Variants in CLIP4 observed in about 807,000 individuals in gnomAD.
CLIP4 encodes the protein CAP-Gly domain-containing linker protein 4.
A neutral mutation model predicts 73.1 loss-of-function variants in CLIP4; 47 were observed. The ratio of observed to expected loss-of-function variants is 0.64; its 90% confidence interval spans 0.51 to 0.82. The LOEUF is 0.82. Ranked by LOEUF, CLIP4 falls within the 40% of genes least tolerant of loss-of-function variation. The probability of loss-of-function intolerance (pLI) is 0.00; values close to 1 mark genes in which losing one functional copy is unlikely to be tolerated. For missense variants in CLIP4, 874 were observed against 852.9 expected, an observed-to-expected ratio of 1.02 and a Z score of -0.31; for synonymous variants, 306 against 295.4, an observed-to-expected ratio of 1.04 and a Z score of -0.37.
In CLIP4 at chr2:29,181,574, C is replaced by T. The variant is rs139683869; in HGVS notation, c.1799C>T (p.Ser600Leu). The change falls in exon 16 of 16, where the codon TCG becomes TTG. Residue 600 changes from serine to leucine, a missense_variant and splice_region_variant. By Grantham distance (145) the Ser-to-Leu change is moderately radical (BLOSUM62 -2). Transcript: ENST00000320081. The stretch of plus-strand genomic sequence containing the variant: ...TCCCACTTTTCCCTTCCGCACAGAT[C>T]GAAAGCTGCTTTGCGTCGCAGTTGG... Reference protein sequence around the residue: ...EINRRNAFSKSKAALRRSWSS... With the variant: ...EINRRNAFSKLKAALRRSWSS... 8 of 1,602,488 alleles carry T rather than the reference C, an allele frequency of 5.0e-6. No homozygotes were observed. Among genetic ancestry groups the T allele is most frequent in the South Asian group, 2.2e-5 (2 of 89,778 alleles).
At position 29,124,528 on chromosome 2, in the gene CLIP4, A is replaced by T. The variant is rs538675113; in HGVS notation, c.133+3007A>T. 7.9e-5 allele frequency among the ~76,000 whole-genome samples: 12 copies of T among 152,196 alleles called. No homozygotes were observed. The South Asian group carries it at 1.7e-3, about 21-fold the overall frequency. On this transcript the variant is annotated intron_variant, in intron 2 of 15. Transcript: ENST00000320081. ...TAAGTTTGGGAAATCATTTAAAAAA[A>T]TTTTTTGTCTGCTTCTCCCCGTTTT...
chr2:29,161,892 A>G (rs1237119892), intron 12 of CLIP4, among the ~76,000 whole-genome samples: 1 of 152,202 alleles, frequency 6.6e-6, no homozygotes, highest in Non-Finnish European at 1.5e-5. Context: ...ATGCGGAAAC[A>G]TGACAGGACC....
intron 14 of CLIP4, among the ~76,000 whole-genome samples, chr2:29,172,852 A>G (rs1668099761): frequency 6.6e-6 from 1 of 152,134 alleles, no homozygotes. Flanking sequence ...ATCCGGCCAT[A>G]AAGTTGTAAA....
chr2:29,140,297 TC>T (rs1665670892), intron 6 of CLIP4, among the ~76,000 whole-genome samples: 2 of 152,270 alleles, frequency 1.3e-5, no homozygotes, highest in South Asian at 4.2e-4. Flanking sequence ...TTCTCATTGT[TC>T]AATTCCCACC....
chr2:29,151,510 G>C (rs1020088940), intron 8 of CLIP4, among the ~76,000 whole-genome samples: 12 of 140,838 alleles, frequency 8.5e-5, no homozygotes, highest in African/African-American at 3.0e-4. Context: ...AGACAGAAGA[G>C]AGAACATTGT....
At chr2:29,124,741 T>G (rs1007761084) in intron 2 of CLIP4, among the ~76,000 whole-genome samples, 8 of 152,240 alleles carry the variant, frequency 5.3e-5, no homozygotes, top group African/African-American at 1.9e-4. Context: ...AGTGCAGTTT[T>G]CATTTCAGAT....
intron 2 of CLIP4, chr2:29,131,003 T>C (rs557683222): frequency 4.9e-5 from 49 of 1,004,210 alleles, no homozygotes; most frequent in South Asian, 1.6e-5. Context: ...GCTGGTATTA[T>C]TTAGTCTGAG....
intron 10 of CLIP4, 27 bp from the exon 11 acceptor site, chr2:29,157,177 G>A (rs778569679): frequency 4.7e-5 from 75 of 1,605,628 alleles, no homozygotes; most frequent in Non-Finnish European, 6.1e-5. Flanking sequence ...ATTTTCCACC[G>A]TTTGACACGT....
chr2:29,131,586 C>G (rs1267462721), intron 3 of CLIP4, 189 bp downstream of exon 3: 3 of 509,976 alleles, frequency 5.9e-6, no homozygotes, highest in Non-Finnish European at 9.7e-6. Context: ...TTTCTTCATG[C>G]TCTGTACTTC....
rs1668041815 is a variant in CLIP4 at position 29,101,300 on chromosome 2, CAAAAAAAAAAA to C, written c.-16+3354_-16+3364del. Among the ~76,000 whole-genome samples the C allele has an allele frequency of 6.0e-3, 504 of 83,562 alleles. 5 individuals are homozygous for C. Among genetic ancestry groups the C allele is most frequent in the African/African-American group, 0.021 (465 of 22,564 alleles). The allele number at this position is 83,562 out of a possible 152,430, so 54.8% of individuals were successfully genotyped here. On this transcript the variant is annotated intron_variant, in intron 1 of 14. Coordinates refer to the CLIP4 transcript ENST00000401605. Reference sequence around the variant, plus strand: ...CTTTTTTTTTTTCCCCCCCCCAAAACAAAAAAAAAAAGAAAAAAAAAAAAAGTAGGGAAGCC... The same window carrying C: ...CTTTTTTTTTTTCCCCCCCCCAAAACGAAAAAAAAAAAAAGTAGGGAAGCC...
upstream of CLIP4, chr2:29,113,864 A>C (rs1478840358): frequency 6.6e-6 from 1 of 152,266 alleles, no homozygotes; most frequent in East Asian, 1.9e-4. The surrounding 1 kb of genome is among the most constrained non-coding windows in gnomAD (Gnocchi z 4.0). Context: ...AGGTGCTTGA[A>C]GCCAACCAAG....
intron 1 of CLIP4, among the ~76,000 whole-genome samples, chr2:29,106,001 C>A (rs1228885892): frequency 6.6e-6 from 1 of 152,070 alleles, no homozygotes; most frequent in East Asian, 1.9e-4. Context: ...ACACACTGAA[C>A]TTTTCTGCCT....
chr2:29,179,899 T>A (rs1334507655), intron 15 of CLIP4, among the ~76,000 whole-genome samples: 2 of 152,262 alleles, frequency 1.3e-5, no homozygotes, highest in African/African-American at 4.8e-5. Context: ...ATTAGAATTC[T>A]ATCACTTACT....
intron 1 of CLIP4, among the ~76,000 whole-genome samples, chr2:29,105,531 C>A: frequency 6.6e-6 from 1 of 152,184 alleles, no homozygotes; most frequent in East Asian, 1.9e-4. Flanking sequence ...AGAGGGCAGC[C>A]TCTCCATCTC....
Position 29,143,935 on chromosome 2 carries a change from C to T in CLIP4, c.875C>T (p.Ala292Val), listed in dbSNP as rs1264690982. Residue 292 changes from alanine to valine, a missense_variant, in exon 7 of 16, where the codon GCA (alanine) becomes GTA (valine). Transcript: ENST00000320081. Reference sequence around the variant, plus strand: ...AAGTTGGGGGATCGTGTTGTTATTGCAGGACAGAAGGTACAGTAAGTAACT... The same window carrying T: ...AAGTTGGGGGATCGTGTTGTTATTGTAGGACAGAAGGTACAGTAAGTAACT... ...GLKLGDRVVI[A>V]GQKVGTLRFC... 1 of 1,613,880 alleles carries T rather than the reference C, an allele frequency of 6.2e-7. No individual in the cohort carries two copies. Among genetic ancestry groups the T allele is most frequent in the Admixed American group, 1.7e-5 (1 of 60,010 alleles).
intron 2 of CLIP4, among the ~76,000 whole-genome samples, chr2:29,122,392 A>G (rs1418582788): frequency 6.6e-6 from 1 of 152,142 alleles, no homozygotes; most frequent in Admixed American, 6.5e-5. Flanking sequence ...AAAATCAGTT[A>G]TGCAGGGGAA....
intron 9 of CLIP4, among the ~76,000 whole-genome samples, chr2:29,153,668 A>G (rs1666732027): frequency 6.6e-6 from 1 of 152,204 alleles, no homozygotes; most frequent in Non-Finnish European, 1.5e-5. Context: ...ACAGGTGCTC[A>G]ATAAACACTT....
intron 5 of CLIP4, among the ~76,000 whole-genome samples, chr2:29,134,544 AT>A (rs1334824844): frequency 6.6e-6 from 1 of 151,844 alleles, no homozygotes; most frequent in East Asian, 1.9e-4. Context: ...TACCTTTTCA[AT>A]TTCTAAGTGA....
chr2:29,131,416 T>G lies in CLIP4; in HGVS notation c.273+19T>G. The G allele has an allele frequency of 6.3e-7, 1 of 1,582,252 alleles. No homozygotes were observed. Among genetic ancestry groups the G allele is most frequent in the East Asian group, 2.3e-5 (1 of 44,286 alleles). ...AAATGAGGTAAGGAATTCTTACATTTTAAGTTTTGCATTGTTAGGATTGTT... is the reference window on the plus strand; with the variant it reads ...AAATGAGGTAAGGAATTCTTACATTGTAAGTTTTGCATTGTTAGGATTGTT... On this transcript the variant is annotated intron_variant, in intron 3 of 15. Transcript: ENST00000320081.
Sources: gnomAD v4.1 joint callset for allele counts (sites outside exome capture counted in the v4.1 genomes callset) on GRCh38, gnomAD v4.1.1 for gene constraint, Gnocchi (gnomAD v3.1) non-coding constraint, MANE v1.5 for transcripts, NCBI Gene and HGNC (gene_info 2026-07-23, HGNC 2026-07-21) for gene names.